Variants in DNER observed in about 807,000 individuals in gnomAD.
The protein encoded by DNER is delta and Notch-like epidermal growth factor-related receptor.
DNER carries 33 observed loss-of-function variants against 78.2 expected under a neutral mutation model. That is an observed-to-expected ratio of 0.42 (90% CI 0.32 to 0.56). The LOEUF (loss-of-function observed/expected upper bound fraction) is 0.56. DNER is among the 20% of genes least tolerant of loss of function. DNER has a pLI of 0.11. For synonymous variants in DNER, 417 were observed against 384.8 expected (o/e 1.08, Z -0.98); for missense variants, 918 against 975.3 (o/e 0.94, Z 0.78).
intron 1 of DNER, among the ~76,000 whole-genome samples, chr2:229,668,402 C>A (rs561181056): frequency 8.1e-6 from 1 of 123,402 alleles, no homozygotes; most frequent in East Asian, 2.2e-4. Flanking sequence ...AGAAAGAATA[C>A]ACATAAAATA....
chr2:229,477,084 T>A, intron 7 of DNER, 56 bp downstream of exon 7: 3 of 1,377,636 alleles, frequency 2.2e-6, no homozygotes, highest in Non-Finnish European at 3.1e-6. Flanking sequence ...GCTGATCAAA[T>A]TAGTTTATGA....
At chr2:229,639,510 T>G (rs1211965294) in intron 1 of DNER, among the ~76,000 whole-genome samples, 2 of 152,284 alleles carry the variant, frequency 1.3e-5, no homozygotes, top group East Asian at 3.9e-4. Context: ...CACCTCGGCC[T>G]CCCAAAGTGC....
chr2:229,382,161 A>G (rs1372869005), intron 11 of DNER, among the ~76,000 whole-genome samples: 2 of 152,208 alleles, frequency 1.3e-5, no homozygotes, highest in African/African-American at 4.8e-5. Context: ...CAGCAGACCC[A>G]CAGCAGAGGG....
chr2:229,530,281 C>A (rs963996023), intron 5 of DNER, among the ~76,000 whole-genome samples: 1 of 152,258 alleles, frequency 6.6e-6, no homozygotes, highest in Non-Finnish European at 1.5e-5. Flanking sequence ...TGTGCAAAAA[C>A]AAAATGCATA....
chr2:229,500,835 T>C (rs1695605533), intron 6 of DNER, among the ~76,000 whole-genome samples: 1 of 152,190 alleles, frequency 6.6e-6, no homozygotes, highest in Admixed American at 6.5e-5. Context: ...TGCAGTCTTT[T>C]ATCTCTCACC....
intron 1 of DNER, among the ~76,000 whole-genome samples, chr2:229,608,574 C>T (rs933129422): frequency 2.1e-4 from 32 of 152,094 alleles, no homozygotes; most frequent in African/African-American, 7.5e-4. Flanking sequence ...CGCAGAAACA[C>T]CATAGTGAGT....
intron 1 of DNER, among the ~76,000 whole-genome samples, chr2:229,608,124 C>G (rs1697975403): frequency 1.3e-5 from 2 of 150,734 alleles, no homozygotes; most frequent in Non-Finnish European, 3.0e-5. Flanking sequence ...ACATAAATAT[C>G]TAACTTATAC....
chr2:229,545,813 A>G (rs1392627041), intron 5 of DNER, among the ~76,000 whole-genome samples: 3 of 152,272 alleles, frequency 2.0e-5, no homozygotes, highest in Non-Finnish European at 4.4e-5. Flanking sequence ...GAGCAAAGTT[A>G]ATGTGTCATC....
At chr2:229,397,478 A>AAAAAAAAAAAAAAAAC in intron 10 of DNER, among the ~76,000 whole-genome samples, 1 of 151,228 alleles carries the variant, frequency 6.6e-6, no homozygotes, top group African/African-American at 2.4e-5. Context: ...AAAAAAAAAA[A>AAAAAAAAAAAAAAAAC]ACTGCAAGTC....
At chr2:229,667,837 A>T (rs1451542797) in intron 1 of DNER, among the ~76,000 whole-genome samples, 1 of 152,232 alleles carries the variant, frequency 6.6e-6, no homozygotes, top group African/African-American at 2.4e-5. Context: ...TTTGGACAAC[A>T]GCAAGGAGTG....
chr2:229,548,683 G>C (rs996612228), intron 4 of DNER, among the ~76,000 whole-genome samples: 1 of 152,052 alleles, frequency 6.6e-6, no homozygotes, highest in African/African-American at 2.4e-5. Flanking sequence ...CAGGGCATGT[G>C]TATACCTATG....
chr2:229,603,755 G>C (rs543888433), intron 1 of DNER, among the ~76,000 whole-genome samples: 4 of 143,268 alleles, frequency 2.8e-5, no homozygotes, highest in Non-Finnish European at 4.4e-5. Context: ...GCTTTTCTGT[G>C]CTTTGCAAGT....
intron 8 of DNER, among the ~76,000 whole-genome samples, chr2:229,438,969 C>G (rs1694181221): frequency 6.6e-6 from 1 of 152,196 alleles, no homozygotes; most frequent in Non-Finnish European, 1.5e-5. Flanking sequence ...TCCAGCAGGT[C>G]CCAATTGCCT....
intron 6 of DNER, among the ~76,000 whole-genome samples, chr2:229,502,145 C>G (rs1695633741): frequency 6.6e-6 from 1 of 152,196 alleles, no homozygotes; most frequent in South Asian, 2.1e-4. Flanking sequence ...CAGTGGAAAC[C>G]TGTCCTATCG....
rs551018964 is a variant in DNER, at chr2:229,655,006, C to A, written c.276+59142G>T. On this transcript the variant is annotated intron_variant, in intron 1 of 12. Transcript: ENST00000341772. ...TTCTGACAATTGTTAAAACATCTTT[C>A]AGATGTTTTAAAAAAAATTCATCGG... 3.3e-5 allele frequency among the ~76,000 whole-genome samples: 5 copies of A among 152,156 alleles called. No individual in the cohort carries two copies. In the South Asian group the frequency reaches 1.0e-3, roughly 32 times the overall value.
chr2:229,376,369 C>T (rs966532811), intron 11 of DNER, among the ~76,000 whole-genome samples: 5 of 152,102 alleles, frequency 3.3e-5, no homozygotes, highest in Admixed American at 6.5e-5. Flanking sequence ...AATGAGCCCT[C>T]GTCAGACACT....
rs78857051 is a variant in DNER, at chr2:229,613,669, A to AT, written c.277-21782dup. ...AAATTAAGAGCTAAGTTTCCTGGGTATTTTTTTTTTCTTTACTTTAAAGGA... is the reference window on the plus strand; with the variant it reads ...AAATTAAGAGCTAAGTTTCCTGGGTATTTTTTTTTTTCTTTACTTTAAAGGA... On this transcript the variant is annotated intron_variant, in intron 1 of 12. Transcript: ENST00000341772. 3.2e-4 allele frequency among the ~76,000 whole-genome samples: 48 copies of AT among 149,312 alleles called. No individual in the cohort carries two copies. The East Asian group carries it at 5.7e-3, about 18-fold the overall frequency.
At chr2:229,511,664 C>T (rs1695866146) in intron 6 of DNER, among the ~76,000 whole-genome samples, 2 of 152,134 alleles carry the variant, frequency 1.3e-5, no homozygotes, top group South Asian at 4.1e-4. Context: ...GTGGTTTATC[C>T]TGGGTTTTTC....
chr2:229,548,015 T>C (rs1696658361), intron 4 of DNER, among the ~76,000 whole-genome samples: 1 of 152,246 alleles, frequency 6.6e-6, no homozygotes, highest in South Asian at 2.1e-4. Context: ...ATATCGAAAT[T>C]AATGAATATG....
Sources: gnomAD v4.1 joint callset for allele counts (sites outside exome capture counted in the v4.1 genomes callset) on GRCh38, gnomAD v4.1.1 for gene constraint, MANE v1.5 for transcripts, NCBI Gene and HGNC (gene_info 2026-07-23, HGNC 2026-07-21) for gene names.